The following DUSP11 variants were observed in gnomAD, a reference collection of about 807,000 sequenced individuals.
The protein encoded by DUSP11 is dual specificity phosphatase 11.
DUSP11 carries 27 observed loss-of-function variants against 41.4 expected under a neutral mutation model. The ratio of observed to expected loss-of-function variants is 0.65; its 90% CI spans 0.48 to 0.90. DUSP11 has a LOEUF of 0.90. DUSP11 is among the 40% of genes least tolerant of loss of function. DUSP11 has a pLI of 0.00. For synonymous variants in DUSP11, 188 were observed against 159.3 expected (o/e 1.18, Z -1.35); for missense variants, 465 against 461.1 (o/e 1.01, Z -0.08).
chr2:73,774,217 T>C (rs1372164897), intron 3 of DUSP11, among the ~76,000 whole-genome samples: 2 of 152,188 alleles, frequency 1.3e-5, no homozygotes, highest in Admixed American at 6.5e-5. Context: ...CAGTTCCATT[T>C]AATATTTTAT....
At chr2:73,776,434 A>G (rs1337416336) in intron 2 of DUSP11, among the ~76,000 whole-genome samples, 1 of 150,576 alleles carries the variant, frequency 6.6e-6, no homozygotes, top group South Asian at 2.1e-4. Flanking sequence ...AAAAAAAAAT[A>G]GACTAGTTTT....
exon 9 of DUSP11, chr2:73,762,630 T>C (rs1202909912): frequency 9.0e-6 from 14 of 1,561,182 alleles, no homozygotes; most frequent in Non-Finnish European, 1.2e-5. Flanking sequence ...CCAGCTCTGG[T>C]CTCCAGGTAG....
intron 2 of DUSP11, 120 bp from the exon 3 acceptor site, chr2:73,775,164 C>A: frequency 1.2e-6 from 1 of 856,112 alleles, no homozygotes; most frequent in East Asian, 2.7e-5. Context: ...TTCCATTCTC[C>A]TGGAACATAG....
chr2:73,778,778 C>T (rs1672732874), intron 1 of DUSP11, among the ~76,000 whole-genome samples: 1 of 152,128 alleles, frequency 6.6e-6, no homozygotes, highest in African/African-American at 2.4e-5. Flanking sequence ...CCATAAAGTT[C>T]AATTAGTAGG....
intron 2 of DUSP11, among the ~76,000 whole-genome samples, chr2:73,775,863 TTA>T (rs1491173833): frequency 0.04 from 4,037 of 101,398 alleles, 202 homozygotes; most frequent in African/African-American, 0.16. Flanking sequence ...AAAAAAAAAT[TTA>T]AAAAAAAAAA....
intron 5 of DUSP11, chr2:73,769,015 C>A: frequency 2.9e-6 from 1 of 342,716 alleles, no homozygotes; most frequent in Non-Finnish European, 5.2e-6. Context: ...AGATGTCTAT[C>A]ACATATTAAA....
At chr2:73,779,748 C>A in intron 1 of DUSP11, 126 bp downstream of exon 1, 1 of 1,466,918 alleles carries the variant, frequency 6.8e-7, no homozygotes, top group East Asian at 2.3e-5. Flanking sequence ...GTCAAAGCCT[C>A]AAAGCAAGCG....
chr2:73,776,906 G>C (rs1672700259), intron 2 of DUSP11, among the ~76,000 whole-genome samples: 1 of 152,272 alleles, frequency 6.6e-6, no homozygotes, highest in Non-Finnish European at 1.5e-5. Flanking sequence ...TATAGGTTTT[G>C]ATCAATATAT....
intron 3 of DUSP11, among the ~76,000 whole-genome samples, chr2:73,774,383 T>A (rs1023646604): frequency 2.0e-5 from 3 of 152,100 alleles, no homozygotes; most frequent in Non-Finnish European, 4.4e-5. Context: ...TAGATACAGA[T>A]AAAAGACAGA....
rs763816897 is a variant in DUSP11, at chr2:73,778,393, T to A, written c.243-17A>T. On this transcript the variant is annotated splice_polypyrimidine_tract_variant and intron_variant, in intron 1 of 8. Transcript: ENST00000272444. Reference sequence around the variant, plus strand: ...TCTTTCCACCTATTAGATATATTTTTTGTTAGCCAAATTGTATGTTAGCCT... The same window carrying A: ...TCTTTCCACCTATTAGATATATTTTATGTTAGCCAAATTGTATGTTAGCCT... 1.4e-6 allele frequency: 2 copies of A among 1,462,106 alleles called. No homozygotes were observed. Among genetic ancestry groups the A allele is most frequent in the Non-Finnish European group, 1.8e-6 (2 of 1,096,344 alleles). The allele number at this position is 1,462,106 out of a possible 1,614,324, so 90.6% of individuals were successfully genotyped here. A position where few individuals can be genotyped will look rare whatever the true frequency, so the allele number is the denominator to read the frequency against.
intron 3 of DUSP11, among the ~76,000 whole-genome samples, 199 bp downstream of exon 3, chr2:73,774,713 CT>C (rs1434946671): frequency 6.6e-6 from 1 of 152,120 alleles, no homozygotes; most frequent in Non-Finnish European, 1.5e-5. Flanking sequence ...TAAATCTATT[CT>C]TTTTTATGGC....
At chr2:73,774,890 T>C (rs747380236) in intron 3 of DUSP11, 23 bp downstream of exon 3, 2 of 1,498,588 alleles carry the variant, frequency 1.3e-6, no homozygotes, top group Non-Finnish European at 1.8e-6. Context: ...AGAAAGTTCT[T>C]TTCATTGAAG....
intron 2 of DUSP11, among the ~76,000 whole-genome samples, chr2:73,775,507 T>C (rs901917154): frequency 6.7e-6 from 1 of 149,810 alleles, no homozygotes; most frequent in Non-Finnish European, 1.5e-5. Flanking sequence ...ACCTCACAAG[T>C]AGCTGGGACT....
At position 73,762,831 on chromosome 2, in the gene DUSP11, G is replaced by A; in HGVS notation, c.964C>T (p.Gln322Ter). 1 of 1,599,772 alleles carries A rather than the reference G, an allele frequency of 6.3e-7. No homozygotes were observed. Residue 322 changes from glutamine to a stop codon, truncating the protein, a stop_gained, in exon 9 of 9, where the codon CAG becomes TAG. Coordinates refer to ENST00000272444, the Ensembl canonical transcript of DUSP11. LOFTEE classifies it low-confidence loss of function (END_TRUNC). ...CCAGGAGGAGGGAGATGGTGTCTCT[G>A]GTAAACATGTGGATTCTCTGAAAAT...
chr2:73,775,864 TAAAA>T (rs1166863408), intron 2 of DUSP11, among the ~76,000 whole-genome samples: 1 of 52,292 alleles, frequency 1.9e-5, no homozygotes. Context: ...AAAAAAAATT[TAAAA>T]AAAAAAAAAA....
chr2:73,778,046 T>C lies in DUSP11; in HGVS notation c.318+255A>G, dbSNP rs1425738714. Reference sequence around the variant, plus strand: ...ATGTAGTCATGTCCAAACATTTATATATTGAAATAAATATTATTTTATTAT... The same window carrying C: ...ATGTAGTCATGTCCAAACATTTATACATTGAAATAAATATTATTTTATTAT... On this transcript the variant is annotated intron_variant, in intron 2 of 8. Transcript: ENST00000272444. Among the ~76,000 whole-genome samples the C allele has an allele frequency of 2.0e-5, 3 of 151,934 alleles. No individual in the cohort carries two copies. The East Asian group carries it at 5.8e-4, about 29-fold the overall frequency.
At chr2:73,766,951 T>C in intron 6 of DUSP11, 48 bp from the exon 7 acceptor site, 1 of 1,529,172 alleles carries the variant, frequency 6.5e-7, no homozygotes, top group Non-Finnish European at 9.0e-7. Context: ...AAAGCAGATC[T>C]TTCCAGAAAA....
chr2:73,772,756 T>C lies in DUSP11; in HGVS notation c.574+1044A>G, dbSNP rs952238823. Among the ~76,000 whole-genome samples the C allele has an allele frequency of 2.0e-5, 3 of 152,316 alleles. No individual in the cohort carries two copies. In the East Asian group the frequency reaches 5.8e-4, roughly 29 times the overall value. ...GATCTGTGAACAAGGTTTAACATAA[T>C]TAAAAGCTAGTGTCCACATTAAGTG... On this transcript the variant is annotated intron_variant, in intron 4 of 8. Coordinates refer to ENST00000272444, the Ensembl canonical transcript of DUSP11.
At chr2:73,769,388 C>T in intron 4 of DUSP11, 63 bp from the exon 5 acceptor site, 1 of 1,161,250 alleles carries the variant, frequency 8.6e-7, no homozygotes, top group Non-Finnish European at 1.3e-6. Context: ...AACATTATCA[C>T]TGCCCTGAAA....
Sources: allele counts gnomAD v4.1 joint callset (sites outside exome capture counted in the v4.1 genomes callset), GRCh38; gene constraint gnomAD v4.1.1; transcripts MANE v1.5; gene names NCBI Gene and HGNC (gene_info 2026-07-23, HGNC 2026-07-21).